NFU1: variants seen among roughly 807,000 people sequenced by gnomAD.
NFU1 encodes the protein NFU1 iron-sulfur cluster scaffold.
A neutral mutation model predicts 32.2 loss-of-function variants in NFU1; 30 were observed. That is an observed-to-expected ratio of 0.93 (90% CI 0.70 to 1.26). NFU1 has a LOEUF of 1.26. Among genes scored for constraint, NFU1 ranks in the 50% most tolerant of loss-of-function variants. The probability of loss-of-function intolerance (pLI) is 0.00; values close to 1 mark genes in which losing one functional copy is unlikely to be tolerated. For synonymous variants in NFU1, 112 were observed against 104.6 expected, an observed-to-expected ratio of 1.07 and a Z score of -0.43; for missense variants, 306 against 306.6, an observed-to-expected ratio of 1.00 and a Z score of 0.02.
intron 7 of NFU1, among the ~76,000 whole-genome samples, 200 bp downstream of exon 7, chr2:69,400,164 C>T (rs1186613196): frequency 2.6e-5 from 4 of 152,086 alleles, no homozygotes; most frequent in East Asian, 1.9e-4. Context: ...TGAGCCACTG[C>T]GCCCAGCCCA....
At position 69,398,278 on chromosome 2, in the gene NFU1, A is replaced by G. The variant is rs145217445; in HGVS notation, c.721-1988T>C. Among the ~76,000 whole-genome samples the G allele has an allele frequency of 4.9e-3, 745 of 152,328 alleles. 4 individuals are homozygous for G. Among genetic ancestry groups the G allele is most frequent in the African/African-American group, 0.017 (714 of 41,570 alleles). ...AAAGCTAAAACAGATACAGAAAGCTACATAAACATAAAGCAAAAACAGAAG... is the reference window on the plus strand; with the variant it reads ...AAAGCTAAAACAGATACAGAAAGCTGCATAAACATAAAGCAAAAACAGAAG... On this transcript the variant is annotated intron_variant, in intron 7 of 7. Transcript: ENST00000410022.
intron 3 of NFU1, among the ~76,000 whole-genome samples, chr2:69,420,016 T>C (rs561250821): frequency 6.9e-6 from 1 of 145,510 alleles, no homozygotes; most frequent in African/African-American, 2.6e-5. Context: ...TTTTTTTTTT[T>C]CTCTTTTGAG....
At chr2:69,429,656 A>T (rs549910653) in intron 2 of NFU1, among the ~76,000 whole-genome samples, 1 of 152,236 alleles carries the variant, frequency 6.6e-6, no homozygotes, top group Non-Finnish European at 1.5e-5. Context: ...ACTCTATACT[A>T]TCTAAAGTAG....
intron 4 of NFU1, among the ~76,000 whole-genome samples, chr2:69,416,466 G>C (rs1436219342): frequency 1.3e-5 from 2 of 150,778 alleles, no homozygotes; most frequent in Non-Finnish European, 2.9e-5. Flanking sequence ...ATATTAAATG[G>C]ATTTTCTGTC....
At position 69,396,265 on chromosome 2, in the gene NFU1, T is replaced by G; in HGVS notation, c.746A>C (p.Lys249Thr). ...EQVMDDESDE[K>T]EANSP ...ATTATTTTAAGGTGAGTTTGCTTCT[T>G]TTTCATCTGATTCATCATCCATAAC... Residue 249 changes from lysine (K) to threonine (T), a missense_variant, in exon 8 of 8, where the codon AAA (lysine) becomes ACA (threonine). Physicochemically the swap from Lys to Thr is moderately conservative, Grantham distance 78. Transcript: ENST00000410022. 4 of 1,611,372 alleles carry G rather than the reference T, an allele frequency of 2.5e-6. No homozygotes were observed. Among genetic ancestry groups the G allele is most frequent in the Non-Finnish European group, 3.4e-6 (4 of 1,178,124 alleles).
chr2:69,434,489 T>C (rs939806425), intron 1 of NFU1, among the ~76,000 whole-genome samples: 5 of 152,192 alleles, frequency 3.3e-5, no homozygotes, highest in African/African-American at 9.7e-5. Context: ...GGCTATTTTT[T>C]ATGGCTTTGA....
At chr2:69,399,697 CTG>C (rs1426522806) in intron 7 of NFU1, among the ~76,000 whole-genome samples, 1 of 151,740 alleles carries the variant, frequency 6.6e-6, no homozygotes, top group Admixed American at 6.6e-5. Context: ...CTATAAAACA[CTG>C]TGTTACATTT....
intron 1 of NFU1, among the ~76,000 whole-genome samples, chr2:69,436,788 CAG>C (rs1298136367): frequency 6.6e-6 from 1 of 150,970 alleles, no homozygotes; most frequent in African/African-American, 2.4e-5. Flanking sequence ...AGGTAGGGCT[CAG>C]GGAGGCGGAA....
intron 2 of NFU1, among the ~76,000 whole-genome samples, chr2:69,425,958 G>A (rs1034122047): frequency 1.3e-5 from 2 of 152,084 alleles, no homozygotes; most frequent in Non-Finnish European, 2.9e-5. Flanking sequence ...ATTACTTCCT[G>A]GAATATTTAA....
intron 2 of NFU1, among the ~76,000 whole-genome samples, chr2:69,427,160 T>C (rs1574147244): frequency 6.8e-6 from 1 of 146,458 alleles, no homozygotes; most frequent in Non-Finnish European, 1.5e-5. Flanking sequence ...CCAAAGCGGG[T>C]GGATCACCTG....
At chr2:69,408,755 T>TATATATATATAC (rs1672784410) in intron 5 of NFU1, among the ~76,000 whole-genome samples, 1 of 81,774 alleles carries the variant, frequency 1.2e-5, no homozygotes, top group Non-Finnish European at 2.7e-5. Context: ...TATATATATA[T>TATATATATATAC]ATATATATAT....
chr2:69,396,021 G>A, downstream of NFU1: 2 of 466,434 alleles, frequency 4.3e-6, no homozygotes, highest in South Asian at 3.7e-5. Context: ...TGGGAAATGA[G>A]GGACAAAAAT....
intron 6 of NFU1, among the ~76,000 whole-genome samples, chr2:69,404,812 G>A (rs2104746551): frequency 6.6e-6 from 1 of 150,894 alleles, no homozygotes; most frequent in Middle Eastern, 3.4e-3. Flanking sequence ...TAGAGATGGG[G>A]TTTCAACATG....
At chr2:69,429,514 C>CT (rs1553402139) in intron 2 of NFU1, among the ~76,000 whole-genome samples, 1 of 133,160 alleles carries the variant, frequency 7.5e-6, no homozygotes, top group Non-Finnish European at 1.6e-5. Context: ...TGAGCCAAGA[C>CT]AAAAAAAAAA....
intron 5 of NFU1, among the ~76,000 whole-genome samples, chr2:69,408,731 ATTT>A (rs1491451027): frequency 1.0e-5 from 1 of 98,616 alleles, no homozygotes; most frequent in African/African-American, 3.4e-5. Flanking sequence ...AAAATATAAA[ATTT>A]TATATATATA....
At chr2:69,416,537 T>C (rs890393424) in intron 4 of NFU1, among the ~76,000 whole-genome samples, 2 of 151,878 alleles carry the variant, frequency 1.3e-5, no homozygotes, top group African/African-American at 4.8e-5. Context: ...TGTAATTGCT[T>C]GATCAAGTAT....
upstream of NFU1, chr2:69,437,492 G>C (rs758926563): frequency 3.2e-5 from 50 of 1,557,794 alleles, no homozygotes; most frequent in Non-Finnish European, 4.0e-5. Context: ...AGGCTGGCCG[G>C]TAGCTGGGCG....
At chr2:69,421,634 C>G (rs1290636562) in intron 3 of NFU1, among the ~76,000 whole-genome samples, 1 of 123,192 alleles carries the variant, frequency 8.1e-6, no homozygotes, top group African/African-American at 3.2e-5. Flanking sequence ...GTGGCGCTAT[C>G]TCGGCTCACT....
upstream of NFU1, among the ~76,000 whole-genome samples, chr2:69,438,094 G>C (rs368400848): frequency 8.5e-5 from 13 of 152,246 alleles, no homozygotes; most frequent in South Asian, 2.1e-3. Flanking sequence ...GTTTTCTCTA[G>C]GACAACGGTT....
Sources: allele counts gnomAD v4.1 joint callset (sites outside exome capture counted in the v4.1 genomes callset), GRCh38; gene constraint gnomAD v4.1.1; transcripts MANE v1.5; gene names NCBI Gene and HGNC (gene_info 2026-07-23, HGNC 2026-07-21).